FMN2: variants seen among roughly 807,000 people sequenced by gnomAD.
The protein encoded by FMN2 is formin-2.
In FMN2, 51 loss-of-function variants were observed where a neutral mutation model predicts 142.3. The ratio of observed to expected loss-of-function variants is 0.36; its 90% CI spans 0.29 to 0.45. The LOEUF is 0.45. Among genes scored for constraint, FMN2 ranks in the 20% least tolerant of loss-of-function variants. The pLI is 1.00. For synonymous variants in FMN2, 882 were observed against 869.8 expected (o/e 1.01, Z -0.25); for missense variants, 1,936 against 2,122.8 (o/e 0.91, Z 1.73).
intron 3 of FMN2, among the ~76,000 whole-genome samples, chr1:240,181,258 C>T (rs1665138109): frequency 6.6e-6 from 1 of 152,160 alleles, no homozygotes; most frequent in South Asian, 2.1e-4. Context: ...CTCCCCTCGG[C>T]CTCCCAAAGT....
At chr1:240,180,355 A>G (rs1665097636) in intron 3 of FMN2, among the ~76,000 whole-genome samples, 1 of 152,102 alleles carries the variant, frequency 6.6e-6, no homozygotes, top group African/African-American at 2.4e-5. Context: ...CGTTCCCAGA[A>G]CCATACCACA....
In FMN2 at chr1:240,143,415, C is replaced by A; in HGVS notation, c.1782+20070C>A. 3.5e-6 allele frequency: 5 copies of A among 1,426,778 alleles called. No individual in the cohort carries two copies. The South Asian group carries it at 5.8e-5, about 16-fold the overall frequency. The allele number at this position is 1,426,778 out of a possible 1,614,324, so 88.4% of individuals were successfully genotyped here. A position where few individuals can be genotyped will look rare whatever the true frequency, so the allele number is the denominator to read the frequency against. On this transcript the variant is annotated intron_variant, in intron 2 of 17. Transcript: ENST00000319653. ...TCTCCCCCACAGCAATAAGGGCAATCCCCAGAACAGCCACTCCCTGATGTG... is the reference window on the plus strand; with the variant it reads ...TCTCCCCCACAGCAATAAGGGCAATACCCAGAACAGCCACTCCCTGATGTG...
At chr1:240,416,479 C>T (rs985913262) in intron 15 of FMN2, among the ~76,000 whole-genome samples, 1 of 151,828 alleles carries the variant, frequency 6.6e-6, no homozygotes. Context: ...CATGTTGGCC[C>T]GGCTAGTCTC....
intron 14 of FMN2, among the ~76,000 whole-genome samples, chr1:240,361,141 G>GTA (rs202070560): frequency 0.041 from 1,734 of 42,330 alleles, 28 homozygotes; most frequent in East Asian, 0.057. Flanking sequence ...AAATATATGT[G>GTA]TATATATATA....
chr1:240,287,914 C>T (rs1018381741), intron 7 of FMN2, among the ~76,000 whole-genome samples: 36 of 152,146 alleles, frequency 2.4e-4, no homozygotes, highest in African/African-American at 8.2e-4. Flanking sequence ...TGCCCCACTG[C>T]CTTCCAGTGC....
chr1:240,145,963 C>T (rs1404561761), intron 2 of FMN2, among the ~76,000 whole-genome samples: 1 of 152,108 alleles, frequency 6.6e-6, no homozygotes, highest in South Asian at 2.1e-4. Context: ...GAGCTTCATG[C>T]ATCAATTAGC....
chr1:240,370,567 C>T (rs1449332072), intron 14 of FMN2, among the ~76,000 whole-genome samples: 1 of 152,128 alleles, frequency 6.6e-6, no homozygotes, highest in African/African-American at 2.4e-5. Flanking sequence ...GCAGTATTAG[C>T]CTTATTCTTG....
intron 15 of FMN2, among the ~76,000 whole-genome samples, chr1:240,424,450 A>G (rs1279549247): frequency 6.6e-6 from 1 of 152,178 alleles, no homozygotes; most frequent in Non-Finnish European, 1.5e-5. Flanking sequence ...ATCAGTTTTA[A>G]TTTATATAAA....
chr1:240,172,178 T>G (rs1250652553), intron 2 of FMN2, among the ~76,000 whole-genome samples: 1 of 138,730 alleles, frequency 7.2e-6, no homozygotes, highest in Non-Finnish European at 1.6e-5. Context: ...AATAACACAT[T>G]TGTGAAATAT....
intron 4 of FMN2, 39 bp from the exon 5 acceptor site, chr1:240,206,760 A>C (rs1666366166): frequency 6.4e-7 from 1 of 1,557,220 alleles, no homozygotes; most frequent in Non-Finnish European, 8.7e-7. Flanking sequence ...ATTTTTCCTT[A>C]TTTCATAACT....
chr1:240,135,682 CTT>C (rs201355071), intron 2 of FMN2, among the ~76,000 whole-genome samples: 19 of 136,104 alleles, frequency 1.4e-4, no homozygotes, highest in South Asian at 2.4e-4. Context: ...TGTCATGTTT[CTT>C]TTTTTTTTTT....
In FMN2 at chr1:240,195,774, TTGGGAGGCTGAGG is replaced by T. The variant is rs551482418; in HGVS notation, c.1986+7520_1986+7532del. Among the ~76,000 whole-genome samples, 88 of 152,242 alleles carry T rather than the reference TTGGGAGGCTGAGG, an allele frequency of 5.8e-4. No individual in the cohort carries two copies. The East Asian group carries it at 0.017, about 29-fold the overall frequency. On this transcript the variant is annotated intron_variant, in intron 4 of 17. Coordinates refer to ENST00000319653, the MANE Select transcript of FMN2 (RefSeq NM_020066.5). ...AGCTCATGCCTGAAATTCTAGCACT[TTGGGAGGCTGAGG>T]TGGGAGGATCACTTGAGCCCAGGAG...
chr1:240,223,597 G>A (rs1198322045), intron 6 of FMN2, among the ~76,000 whole-genome samples: 1 of 152,182 alleles, frequency 6.6e-6, no homozygotes, highest in Non-Finnish European at 1.5e-5. Context: ...AAATTCGGCT[G>A]TGAATCTGTC....
intron 2 of FMN2, chr1:240,143,148 G>A: frequency 6.4e-7 from 1 of 1,574,222 alleles, no homozygotes; most frequent in Non-Finnish European, 8.7e-7. Flanking sequence ...ATGATATTGA[G>A]CTAACTGGCG....
chr1:240,184,568 G>A (rs1242419416), intron 3 of FMN2, among the ~76,000 whole-genome samples: 1 of 149,262 alleles, frequency 6.7e-6, no homozygotes, highest in Non-Finnish European at 1.5e-5. Flanking sequence ...TAATTTTAAG[G>A]ATGGGTGAAG....
rs775793097 is a variant in FMN2 at position 240,474,205 on chromosome 1, TC to T, written c.*52del. On this transcript the variant is annotated 3_prime_UTR_variant, in exon 18 of 18. Coordinates refer to ENST00000319653, the MANE Select transcript of FMN2 (RefSeq NM_020066.5). The stretch of plus-strand genomic sequence containing the variant: ...GTCATTGCAACGACTTTCACAAAAT[TC>T]AGCTGACCTGAGAGTGGGAGGGAAA... 6.6e-7 allele frequency: 1 copy of T among 1,504,910 alleles called. No homozygotes were observed. Among genetic ancestry groups the T allele is most frequent in the Non-Finnish European group, 8.9e-7 (1 of 1,126,032 alleles). 93.2% of individuals were successfully genotyped at this position (1,504,910 alleles called of 1,614,324 possible).
chr1:240,326,613 C>G (rs1321677711), intron 8 of FMN2, among the ~76,000 whole-genome samples: 2 of 152,100 alleles, frequency 1.3e-5, no homozygotes, highest in African/African-American at 4.8e-5. Flanking sequence ...TTCAACCCCA[C>G]GTTGAGTCTA....
At chr1:240,235,951 A>G (rs1021759827) in intron 6 of FMN2, 1 of 152,014 alleles carries the variant, frequency 6.6e-6, no homozygotes, top group Non-Finnish European at 1.5e-5. Context: ...TTAAGTTTCT[A>G]GTTTTTTAAT....
At chr1:240,100,872 T>C (rs1210207538) in intron 1 of FMN2, among the ~76,000 whole-genome samples, 1 of 152,192 alleles carries the variant, frequency 6.6e-6, no homozygotes, top group Non-Finnish European at 1.5e-5. Context: ...CAAGCCTATA[T>C]TATGTTTCAA....
Sources: allele counts gnomAD v4.1 joint callset (sites outside exome capture counted in the v4.1 genomes callset), GRCh38; gene constraint gnomAD v4.1.1; transcripts MANE v1.5; gene names NCBI Gene and HGNC (gene_info 2026-07-23, HGNC 2026-07-21).